FSIP1: variants seen among roughly 807,000 people sequenced by gnomAD.
FSIP1 encodes fibrous sheath-interacting protein 1.
Under a neutral mutation model 60.9 loss-of-function variants are expected in FSIP1, and 65 were observed. That is an observed-to-expected ratio of 1.07 (90% CI 0.87 to 1.31). FSIP1 has a LOEUF of 1.31. Among genes scored for constraint, FSIP1 ranks in the 40% most tolerant of loss-of-function variants. The pLI, the probability that FSIP1 is intolerant of heterozygous loss-of-function variation, is 0.00. For missense variants in FSIP1, 675 were observed against 665.5 expected, an observed-to-expected ratio of 1.01 and a Z score of -0.16; for synonymous variants, 209 against 221.2, an observed-to-expected ratio of 0.94 and a Z score of 0.49.
intron 10 of FSIP1, among the ~76,000 whole-genome samples, chr15:39,699,004 T>C (rs899421780): frequency 6.6e-6 from 1 of 152,248 alleles, no homozygotes; most frequent in Non-Finnish European, 1.5e-5. Context: ...TAGCCTCCTC[T>C]GTCTTTCCGA....
At chr15:39,771,631 C>T (rs576848756) in intron 2 of FSIP1, among the ~76,000 whole-genome samples, 2 of 152,288 alleles carry the variant, frequency 1.3e-5, no homozygotes, top group South Asian at 2.1e-4. Context: ...CTGCCTCATT[C>T]GCTTCCCACA....
chr15:39,634,164 C>T (rs1215061726), intron 10 of FSIP1, among the ~76,000 whole-genome samples: 1 of 152,154 alleles, frequency 6.6e-6, no homozygotes, highest in Non-Finnish European at 1.5e-5. Flanking sequence ...CACTGCTTTC[C>T]CCCTCTCTAC....
chr15:39,761,026 T>C (rs1897478323), intron 5 of FSIP1, among the ~76,000 whole-genome samples: 1 of 152,188 alleles, frequency 6.6e-6, no homozygotes, highest in Non-Finnish European at 1.5e-5. Flanking sequence ...CAATGAACTA[T>C]CATCTCACTC....
At chr15:39,758,430 A>G (rs887401283) in intron 5 of FSIP1, among the ~76,000 whole-genome samples, 2 of 151,180 alleles carry the variant, frequency 1.3e-5, no homozygotes, top group Non-Finnish European at 2.9e-5. Context: ...TCAGTATTTG[A>G]CTCCTGGTTT....
chr15:39,772,950 A>C (rs1240059124), intron 2 of FSIP1, among the ~76,000 whole-genome samples: 2 of 152,162 alleles, frequency 1.3e-5, no homozygotes, highest in Admixed American at 6.5e-5. Flanking sequence ...TAATCACAGG[A>C]AACGCAAATA....
At chr15:39,716,563 A>T (rs963568803) in intron 9 of FSIP1, among the ~76,000 whole-genome samples, 2 of 152,224 alleles carry the variant, frequency 1.3e-5, no homozygotes, top group Non-Finnish European at 2.9e-5. Flanking sequence ...AATTCTATAA[A>T]GACTTGCACA....
chr15:39,645,085 G>A (rs563498700), intron 10 of FSIP1, among the ~76,000 whole-genome samples: 12 of 152,146 alleles, frequency 7.9e-5, no homozygotes, highest in Non-Finnish European at 1.8e-4. Context: ...ACCACAATGA[G>A]ATATCACCTC....
chr15:39,700,337 C>T (rs752387753), intron 10 of FSIP1, among the ~76,000 whole-genome samples: 12 of 152,298 alleles, frequency 7.9e-5, no homozygotes, highest in South Asian at 4.1e-4. Flanking sequence ...TCAAATATAG[C>T]ACTTTATTTC....
intron 10 of FSIP1, among the ~76,000 whole-genome samples, chr15:39,693,904 A>C (rs1286010858): frequency 1.2e-4 from 18 of 152,320 alleles, no homozygotes. Context: ...ACAAAAACTG[A>C]AGGAACATAG....
At chr15:39,702,264 G>A (rs1284808995) in intron 10 of FSIP1, among the ~76,000 whole-genome samples, 1 of 150,026 alleles carries the variant, frequency 6.7e-6, no homozygotes, top group East Asian at 2.0e-4. Context: ...CCCTACACAT[G>A]CCTGGTTAAA....
At chr15:39,772,199 C>A (rs1328587981) in intron 2 of FSIP1, among the ~76,000 whole-genome samples, 1 of 152,188 alleles carries the variant, frequency 6.6e-6, no homozygotes, top group African/African-American at 2.4e-5. Context: ...GCCCACTGGC[C>A]TCTCTATTCC....
Position 39,618,147 on chromosome 15 carries a change from T to A in FSIP1, c.1287A>T (p.Arg429Ser), listed in dbSNP as rs374844180. 37 of 1,614,060 alleles carry A rather than the reference T, an allele frequency of 2.3e-5. No individual in the cohort carries two copies. Among genetic ancestry groups the A allele is most frequent in the Non-Finnish European group, 3.1e-5 (36 of 1,180,022 alleles). The change falls in exon 11 of 12, where the codon AGA (arginine) becomes AGT (serine). Residue 429 changes from arginine (R) to serine (S), a missense_variant. Transcript: ENST00000350221. ...QKSIIKLSSE[R>S]KKEDIEDVTP... ...TTACGTCCTCAATGTCTTCCTTTTT[T>A]CTTTCTGAAGAAAGTTTAATGATGG...
chr15:39,629,141 G>A (rs566307282), intron 10 of FSIP1, among the ~76,000 whole-genome samples: 3 of 152,156 alleles, frequency 2.0e-5, no homozygotes, highest in Admixed American at 6.5e-5. Flanking sequence ...CTTTATGGAC[G>A]ATCTCACAAC....
At chr15:39,663,510 A>G (rs1320753047) in intron 10 of FSIP1, among the ~76,000 whole-genome samples, 1 of 152,204 alleles carries the variant, frequency 6.6e-6, no homozygotes, top group Non-Finnish European at 1.5e-5. Context: ...AGGGAAGGTA[A>G]TGAAAATTCC....
chr15:39,700,988 C>G (rs899903446), intron 10 of FSIP1, among the ~76,000 whole-genome samples: 1 of 152,018 alleles, frequency 6.6e-6, no homozygotes, highest in Non-Finnish European at 1.5e-5. Context: ...CTCACCTCTA[C>G]AAAAAATACA....
intron 10 of FSIP1, among the ~76,000 whole-genome samples, chr15:39,700,963 G>A (rs1895032698): frequency 6.6e-6 from 1 of 152,084 alleles, no homozygotes; most frequent in African/African-American, 2.4e-5. Context: ...ACCAACCTGG[G>A]CAACATAGTG....
intron 10 of FSIP1, among the ~76,000 whole-genome samples, chr15:39,651,264 A>G (rs1407236405): frequency 6.6e-6 from 1 of 152,248 alleles, no homozygotes; most frequent in African/African-American, 2.4e-5. Flanking sequence ...CTGGAAAAAG[A>G]TCATCACAAT....
At chr15:39,689,149 T>C (rs1894499123) in intron 10 of FSIP1, among the ~76,000 whole-genome samples, 1 of 152,112 alleles carries the variant, frequency 6.6e-6, no homozygotes, top group South Asian at 2.1e-4. Context: ...ACTGCTTTAC[T>C]ATAAAGGATA....
chr15:39,648,016 G>T lies in FSIP1; in HGVS notation c.1189-29771C>A, dbSNP rs1274252936. ...GGGAATATCACACTCTGGGGACTGT[G>T]GTGGGGTGGGGGGAGCGGGGAGGGA... On this transcript the variant is annotated intron_variant, in intron 10 of 11. Transcript: ENST00000350221. Among the ~76,000 whole-genome samples the T allele has an allele frequency of 4.6e-5, 7 of 151,730 alleles. No individual in the cohort carries two copies. In the South Asian group the frequency reaches 6.3e-4, roughly 14 times the overall value.
Sources: gnomAD v4.1 joint callset for allele counts (sites outside exome capture counted in the v4.1 genomes callset) on GRCh38, gnomAD v4.1.1 for gene constraint, MANE v1.5 for transcripts, NCBI Gene and HGNC (gene_info 2026-07-23, HGNC 2026-07-21) for gene names.